Variants in SETD2 observed in about 807,000 individuals in gnomAD.
The protein encoded by SETD2 is histone-lysine N-methyltransferase SETD2.
A neutral mutation model predicts 242.1 loss-of-function variants in SETD2; 31 were observed. The observed-to-expected ratio is 0.13, with a 90% CI of 0.10 to 0.17. The LOEUF (loss-of-function observed/expected upper bound fraction) is 0.17. SETD2 is among the 10% of genes least tolerant of loss of function. SETD2 has a pLI of 1.00. For synonymous variants in SETD2, 1,006 were observed against 1,066.5 expected (o/e 0.94, Z 1.11); for missense variants, 2,481 against 3,046.3 (o/e 0.81, Z 4.37).
intron 1 of SETD2, among the ~76,000 whole-genome samples, chr3:47,152,702 AAG>A (rs1453131076): frequency 6.6e-6 from 1 of 152,154 alleles, no homozygotes; most frequent in Non-Finnish European, 1.5e-5. Flanking sequence ...GTCCTCCCCA[AAG>A]AGAGGGTCCA....
At chr3:47,036,780 T>C (rs1232104987) in intron 18 of SETD2, among the ~76,000 whole-genome samples, 7 of 151,690 alleles carry the variant, frequency 4.6e-5, no homozygotes, top group Non-Finnish European at 8.8e-5. Flanking sequence ...TGCACATCTG[T>C]AGTCCCAGCT....
chr3:47,103,275 G>C (rs1263820958), intron 7 of SETD2, 71 bp downstream of exon 7: 1 of 963,838 alleles, frequency 1.0e-6, no homozygotes, highest in Non-Finnish European at 1.7e-6. Context: ...CTTAGATATG[G>C]GATCTAAAAT....
At chr3:47,141,577 C>G (rs1483023659) in intron 1 of SETD2, among the ~76,000 whole-genome samples, 1 of 152,114 alleles carries the variant, frequency 6.6e-6, no homozygotes. Context: ...TCATAAATAA[C>G]TGCTTACTTT....
chr3:47,149,419 A>G (rs1213069758), intron 1 of SETD2, among the ~76,000 whole-genome samples: 1 of 152,152 alleles, frequency 6.6e-6, no homozygotes, highest in Non-Finnish European at 1.5e-5. Flanking sequence ...AGCCACAGAA[A>G]TGAGGAATTA....
At position 47,134,634 on chromosome 3, in the gene SETD2, C is replaced by CT. The variant is rs879497572; in HGVS notation, c.72-7972dup. On this transcript the variant is annotated intron_variant, in intron 1 of 20. Transcript: ENST00000409792. ...ACCATGCTGATGGACTGCTCAATGACTTTTTTTTTTTTTGAGACAGAGTCT... is the reference window on the plus strand; with the variant it reads ...ACCATGCTGATGGACTGCTCAATGACTTTTTTTTTTTTTTGAGACAGAGTCT... Among the ~76,000 whole-genome samples the CT allele has an allele frequency of 2.5e-3, 363 of 145,580 alleles. 2 individuals are homozygous for CT. Among genetic ancestry groups the CT allele is most frequent in the East Asian group, 0.012 (60 of 5,018 alleles).
At chr3:47,030,359 T>A (rs986684688) in intron 18 of SETD2, among the ~76,000 whole-genome samples, 1 of 151,962 alleles carries the variant, frequency 6.6e-6, no homozygotes, top group South Asian at 2.1e-4. Context: ...GAACTTTAAA[T>A]AGAGGCCAAC....
intron 15 of SETD2, among the ~76,000 whole-genome samples, chr3:47,048,889 A>C (rs891747035): frequency 6.6e-6 from 1 of 151,870 alleles, no homozygotes; most frequent in African/African-American, 2.4e-5. Context: ...GATGGTCTCC[A>C]TCTCCTAACC....
intron 16 of SETD2, among the ~76,000 whole-genome samples, chr3:47,044,752 T>A (rs368369079): frequency 1.3e-5 from 2 of 152,198 alleles, no homozygotes; most frequent in Non-Finnish European, 1.5e-5. Context: ...TTTTTAAACA[T>A]TGTACAACAT....
At chr3:47,057,664 T>A (rs2040139346) in intron 14 of SETD2, among the ~76,000 whole-genome samples, 174 bp from the exon 15 acceptor site, 1 of 152,094 alleles carries the variant, frequency 6.6e-6, no homozygotes, top group Non-Finnish European at 1.5e-5. Context: ...CAGAACAGAA[T>A]CCCAAGGAAT....
intron 16 of SETD2, among the ~76,000 whole-genome samples, chr3:47,043,776 T>G (rs114820250): frequency 0.029 from 4,443 of 152,248 alleles, 102 homozygotes; most frequent in Non-Finnish European, 0.041. Context: ...TGGCCCAGCT[T>G]AAGTTTCAAT....
At chr3:47,052,417 C>T (rs1337335792) in intron 15 of SETD2, among the ~76,000 whole-genome samples, 2 of 152,212 alleles carry the variant, frequency 1.3e-5, no homozygotes, top group Admixed American at 1.3e-4. Context: ...AAGTGATCTT[C>T]CTGCTTCAGC....
rs2043248439 is a variant in SETD2, at chr3:47,124,516, G to A, written c.120C>T (p.Phe40=). Residue 40 remains phenylalanine (F), a synonymous_variant, in exon 3 of 21, where the codon TTC becomes TTT. Coordinates refer to ENST00000409792, the MANE Select transcript of SETD2 (RefSeq NM_014159.7). ...CACCTTTGAACATTGGTCCTTTGAT[G>A]AAACCTGTTTTCTGCACATTTTCAA... The part of the protein sequence containing the change: ...AKIENVQKTG[F]IKGPMFKGVA... 6.5e-7 allele frequency: 1 copy of A among 1,548,028 alleles called. No homozygotes were observed. Among genetic ancestry groups the A allele is most frequent in the South Asian group, 1.2e-5 (1 of 83,772 alleles).
intron 9 of SETD2, among the ~76,000 whole-genome samples, chr3:47,090,655 G>A (rs1346188653): frequency 6.6e-6 from 1 of 152,124 alleles, no homozygotes; most frequent in Non-Finnish European, 1.5e-5. Context: ...CTCCCAAAGT[G>A]CTAGGATTAT....
Position 47,040,569 on chromosome 3 carries a change from A to ATTT in SETD2, c.7238+1989_7238+1991dup, listed in dbSNP as rs34309892. Among the ~76,000 whole-genome samples the ATTT allele has an allele frequency of 5.6e-4, 51 of 91,718 alleles. 17 individuals are homozygous for ATTT. Among genetic ancestry groups the ATTT allele is most frequent in the East Asian group, 1.1e-3 (3 of 2,734 alleles). The allele number at this position is 91,718 out of a possible 152,430, so 60.2% of individuals were successfully genotyped here. ...AAAATAGATGACATGAGGGAAAAGG[A>ATTT]TTTTTTTTTTTTTTTTTTTTTTGGA... On this transcript the variant is annotated intron_variant, in intron 17 of 20. Coordinates refer to ENST00000409792, the MANE Select transcript of SETD2 (RefSeq NM_014159.7).
intron 18 of SETD2, 111 bp downstream of exon 18, chr3:47,037,555 T>C: frequency 2.7e-6 from 2 of 747,668 alleles, no homozygotes; most frequent in Non-Finnish European, 4.7e-6. Flanking sequence ...GATACATGCA[T>C]AGTCACTCAC....
At chr3:47,164,330 C>T (rs1453371615), upstream of SETD2, among the ~76,000 whole-genome samples, 1 of 152,134 alleles carries the variant, frequency 6.6e-6, no homozygotes, top group Non-Finnish European at 1.5e-5. This position sits in a 1 kb window ranked among gnomAD's most constrained non-coding sequence, Gnocchi z 5.4. Context: ...AATAAACCCC[C>T]GGCCCCAGTG....
chr3:47,054,809 TA>T (rs1283141603), intron 15 of SETD2, among the ~76,000 whole-genome samples: 1 of 152,138 alleles, frequency 6.6e-6, no homozygotes, highest in Non-Finnish European at 1.5e-5. Flanking sequence ...CTACCCCCAG[TA>T]AAATGGATGA....
At chr3:47,151,078 C>T (rs1318141322) in intron 1 of SETD2, among the ~76,000 whole-genome samples, 2 of 151,974 alleles carry the variant, frequency 1.3e-5, no homozygotes, top group African/African-American at 4.8e-5. Flanking sequence ...CTACCATGTA[C>T]CCAACTACTA....
intron 1 of SETD2, among the ~76,000 whole-genome samples, chr3:47,149,018 T>C (rs554871050): frequency 6.6e-6 from 1 of 152,198 alleles, no homozygotes; most frequent in Non-Finnish European, 1.5e-5. Context: ...CTCCAGCATA[T>C]ACATTTGCAA....
Sources: gnomAD v4.1 joint callset for allele counts (sites outside exome capture counted in the v4.1 genomes callset) on GRCh38, gnomAD v4.1.1 for gene constraint, Gnocchi (gnomAD v3.1) non-coding constraint, MANE v1.5 for transcripts, NCBI Gene and HGNC (gene_info 2026-07-23, HGNC 2026-07-21) for gene names.